The following ABCG2 variants were observed in gnomAD, a reference collection of about 807,000 sequenced individuals.
ABCG2 encodes broad substrate specificity ATP-binding cassette transporter ABCG2.
Under a neutral mutation model 73.5 loss-of-function variants are expected in ABCG2, and 80 were observed. That is an observed-to-expected ratio of 1.09 (90% confidence interval 0.91 to 1.31). The LOEUF is 1.31. Among genes scored for constraint, ABCG2 ranks in the 50% most tolerant of loss-of-function variants. The pLI is 0.00. For synonymous variants in ABCG2, 269 were observed against 282.4 expected, an observed-to-expected ratio of 0.95 and a Z score of 0.48; for missense variants, 796 against 786.2, an observed-to-expected ratio of 1.01 and a Z score of -0.15.
intron 5 of ABCG2, 59 bp from the exon 6 acceptor site, chr4:88,121,851 C>T (rs1724018653): frequency 6.5e-7 from 1 of 1,542,426 alleles, no homozygotes; most frequent in South Asian, 1.2e-5. Flanking sequence ...ATTTGGTGAG[C>T]TCCTAACGTG....
At chr4:88,144,009 T>A (rs1487403360) in intron 1 of ABCG2, among the ~76,000 whole-genome samples, 2 of 152,226 alleles carry the variant, frequency 1.3e-5, no homozygotes, top group Admixed American at 6.5e-5. Context: ...TCTTTCCCCA[T>A]GGTCAGAAGC....
intron 9 of ABCG2, among the ~76,000 whole-genome samples, chr4:88,110,698 T>C (rs1474896774): frequency 6.6e-6 from 1 of 152,198 alleles, no homozygotes; most frequent in Non-Finnish European, 1.5e-5. Context: ...ACTGCCATGT[T>C]CATTTATTCA....
At chr4:88,220,393 C>G (rs1456130519) in intron 1 of ABCG2, among the ~76,000 whole-genome samples, 1 of 152,184 alleles carries the variant, frequency 6.6e-6, no homozygotes, top group East Asian at 1.9e-4. Context: ...CCATACTGTT[C>G]TCCACAGTAG....
chr4:88,224,864 A>G (rs1489944394), intron 1 of ABCG2, among the ~76,000 whole-genome samples: 1 of 152,102 alleles, frequency 6.6e-6, no homozygotes, highest in Non-Finnish European at 1.5e-5. Flanking sequence ...ATTTTTGTAT[A>G]GGGTGTAAGG....
chr4:88,130,784 TGG>T (rs1040020827), intron 5 of ABCG2, among the ~76,000 whole-genome samples: 1 of 151,752 alleles, frequency 6.6e-6, no homozygotes, highest in Non-Finnish European at 1.5e-5. Flanking sequence ...AACCATGAGG[TGG>T]GGGAGGAGCA....
intron 1 of ABCG2, among the ~76,000 whole-genome samples, chr4:88,184,060 C>T (rs1211690055): frequency 1.3e-5 from 2 of 152,072 alleles, no homozygotes; most frequent in Non-Finnish European, 1.5e-5. Flanking sequence ...GAATATTCCT[C>T]AACATAATAA....
intron 1 of ABCG2, among the ~76,000 whole-genome samples, chr4:88,198,952 A>ATG (rs765696349): frequency 6.6e-5 from 10 of 151,916 alleles, no homozygotes; most frequent in South Asian, 4.2e-4. Context: ...ATGTATATAT[A>ATG]TGTGTGTGTG....
At chr4:88,170,746 CTT>C (rs1727724538) in intron 1 of ABCG2, among the ~76,000 whole-genome samples, 1 of 152,252 alleles carries the variant, frequency 6.6e-6, no homozygotes. Context: ...ATACCTCACT[CTT>C]GTTATTTTGT....
At chr4:88,102,504 G>T (rs1722495847) in intron 10 of ABCG2, among the ~76,000 whole-genome samples, 1 of 151,642 alleles carries the variant, frequency 6.6e-6, no homozygotes, top group Admixed American at 6.6e-5. Flanking sequence ...GCTGAGGCAG[G>T]AGAATCGCTT....
Position 88,127,960 on chromosome 4 carries a change from A to G in ABCG2, c.531+3101T>C, listed in dbSNP as rs199835878. On this transcript the variant is annotated intron_variant, in intron 5 of 15. Transcript: ENST00000237612. The stretch of plus-strand genomic sequence containing the variant: ...TTCTGCACAGCAAAAAAAAAGAAAG[A>G]AAAAAAAAAACTATCTTCAGAGTGA... 2.2e-4 allele frequency among the ~76,000 whole-genome samples: 28 copies of G among 125,270 alleles called. No individual in the cohort carries two copies. In the East Asian group the frequency reaches 4.1e-3, roughly 18 times the overall value. 82.2% of individuals were successfully genotyped at this position (125,270 alleles called of 152,430 possible). A position where few individuals can be genotyped will look rare whatever the true frequency, so the allele number is the denominator to read the frequency against.
chr4:88,183,286 G>T (rs1728331453), intron 1 of ABCG2, among the ~76,000 whole-genome samples: 1 of 151,782 alleles, frequency 6.6e-6, no homozygotes, highest in Non-Finnish European at 1.5e-5. Context: ...CTGAAAGTTG[G>T]TTTTTTGAAA....
At chr4:88,184,030 C>CA (rs1226616088) in intron 1 of ABCG2, among the ~76,000 whole-genome samples, 2 of 151,892 alleles carry the variant, frequency 1.3e-5, no homozygotes, top group Non-Finnish European at 2.9e-5. Flanking sequence ...TAAAAACCTC[C>CA]AAAAAACTGG....
intron 1 of ABCG2, among the ~76,000 whole-genome samples, chr4:88,203,965 C>A (rs767547854): frequency 5.9e-5 from 9 of 152,056 alleles, no homozygotes; most frequent in Non-Finnish European, 1.2e-4. Context: ...AAAGGTATGC[C>A]AGCTCCAAAC....
intron 1 of ABCG2, 149 bp from the exon 2 acceptor site, chr4:88,140,163 G>C (rs948898629): frequency 2.9e-6 from 2 of 697,068 alleles, no homozygotes; most frequent in Non-Finnish European, 4.7e-6. Context: ...ATTGTGATAA[G>C]AACATCCTAA....
At chr4:88,220,231 A>G (rs756613130) in intron 1 of ABCG2, among the ~76,000 whole-genome samples, 20 of 152,300 alleles carry the variant, frequency 1.3e-4, no homozygotes, top group Non-Finnish European at 2.5e-4. Flanking sequence ...GTTGATGAAC[A>G]TTAGGGTTGC....
intron 1 of ABCG2, among the ~76,000 whole-genome samples, chr4:88,181,818 C>T (rs1728265600): frequency 6.6e-6 from 1 of 151,920 alleles, no homozygotes; most frequent in Non-Finnish European, 1.5e-5. Context: ...GAAATTAAAA[C>T]ATACTGCCAG....
intron 1 of ABCG2, among the ~76,000 whole-genome samples, chr4:88,174,149 T>G (rs919286692): frequency 2.8e-5 from 4 of 143,482 alleles, no homozygotes; most frequent in Non-Finnish European, 4.6e-5. Flanking sequence ...CTGACTGGTG[T>G]TTTTTTTTTT....
intron 1 of ABCG2, among the ~76,000 whole-genome samples, chr4:88,156,913 T>G (rs545277575): frequency 1.3e-5 from 2 of 152,294 alleles, no homozygotes; most frequent in South Asian, 4.1e-4. Context: ...GAGACCAGCC[T>G]GGCCAACATG....
At chr4:88,196,691 T>C (rs181636100) in intron 1 of ABCG2, among the ~76,000 whole-genome samples, 91 of 151,872 alleles carry the variant, frequency 6.0e-4, no homozygotes, top group Admixed American at 1.7e-3. Flanking sequence ...AATCAGCAAC[T>C]ATGAACCTCA....
Sources: allele counts gnomAD v4.1 joint callset (sites outside exome capture counted in the v4.1 genomes callset), GRCh38; gene constraint gnomAD v4.1.1; transcripts MANE v1.5; gene names NCBI Gene and HGNC (gene_info 2026-07-23, HGNC 2026-07-21).